SERGEF: variants seen among roughly 807,000 people sequenced by gnomAD.
SERGEF encodes secretion regulating guanine nucleotide exchange factor.
In SERGEF, 51 loss-of-function variants were observed where a neutral mutation model predicts 50.0. That is an observed-to-expected ratio of 1.02 (90% CI 0.81 to 1.29). The LOEUF (loss-of-function observed/expected upper bound fraction) is 1.29, where lower values mean the gene tolerates loss of function less well. SERGEF is among the 50% of genes most tolerant of loss of function. The pLI, the probability that SERGEF is intolerant of heterozygous loss-of-function variation, is 0.00. For synonymous variants in SERGEF, 205 were observed against 212.4 expected (o/e 0.97, Z 0.30); for missense variants, 521 against 557.0 (o/e 0.94, Z 0.65).
intron 10 of SERGEF, among the ~76,000 whole-genome samples, chr11:17,796,000 T>A (rs1053538089): frequency 6.6e-6 from 1 of 152,228 alleles, no homozygotes; most frequent in Non-Finnish European, 1.5e-5. Context: ...AACTTTTTTT[T>A]AACATAAAGT....
At chr11:17,799,373 T>C (rs1420989528) in intron 10 of SERGEF, among the ~76,000 whole-genome samples, 1 of 152,222 alleles carries the variant, frequency 6.6e-6, no homozygotes, top group Non-Finnish European at 1.5e-5. Context: ...TCCTATCTCT[T>C]ACCTGGCCTG....
chr11:17,998,491 A>C (rs1853890817), intron 5 of SERGEF, among the ~76,000 whole-genome samples: 2 of 95,442 alleles, frequency 2.1e-5, no homozygotes, highest in East Asian at 3.5e-4. Flanking sequence ...ATATATATGC[A>C]TGTGTGAGTG....
chr11:18,009,284 A>G (rs1374721495), intron 1 of SERGEF, among the ~76,000 whole-genome samples: 1 of 152,120 alleles, frequency 6.6e-6, no homozygotes, highest in African/African-American at 2.4e-5. Context: ...CATGATTTCG[A>G]TATGAGAAGA....
intron 2 of SERGEF, 59 bp from the exon 3 acceptor site, chr11:18,006,805 G>T: frequency 6.4e-7 from 1 of 1,560,512 alleles, no homozygotes; most frequent in South Asian, 1.2e-5. Context: ...ACTGCAAAAT[G>T]AACAAAAAGA....
At chr11:17,880,080 T>C (rs1851310102) in intron 9 of SERGEF, among the ~76,000 whole-genome samples, 1 of 152,230 alleles carries the variant, frequency 6.6e-6, no homozygotes, top group South Asian at 2.1e-4. Flanking sequence ...CAAGGCCTCC[T>C]AGGCTTTTTC....
intron 9 of SERGEF, among the ~76,000 whole-genome samples, chr11:17,903,840 T>A (rs1851791022): frequency 6.6e-6 from 1 of 152,196 alleles, no homozygotes; most frequent in South Asian, 2.1e-4. Context: ...GTCATTAATG[T>A]AGGGAAGAGG....
chr11:17,917,799 A>T (rs568643344), intron 9 of SERGEF, among the ~76,000 whole-genome samples: 2 of 152,326 alleles, frequency 1.3e-5, no homozygotes, highest in South Asian at 4.1e-4. Context: ...TCAGGTCCCA[A>T]CCCAGACTGA....
chr11:17,972,035 G>A (rs1406699314), intron 8 of SERGEF, among the ~76,000 whole-genome samples: 1 of 152,238 alleles, frequency 6.6e-6, no homozygotes, highest in Non-Finnish European at 1.5e-5. Flanking sequence ...AGAGCCTAAA[G>A]AGGTGACTGA....
intron 10 of SERGEF, among the ~76,000 whole-genome samples, chr11:17,791,097 C>T (rs993439360): frequency 3.9e-5 from 6 of 152,310 alleles, no homozygotes; most frequent in African/African-American, 1.4e-4. Flanking sequence ...TTTTGTTATA[C>T]ACATTTACTT....
At chr11:17,879,061 T>C (rs577533584) in intron 9 of SERGEF, among the ~76,000 whole-genome samples, 1 of 152,326 alleles carries the variant, frequency 6.6e-6, no homozygotes, top group Non-Finnish European at 1.5e-5. Flanking sequence ...CACCTCTGTA[T>C]TGCACAGATG....
chr11:17,801,126 C>T (rs532133743), intron 10 of SERGEF, among the ~76,000 whole-genome samples: 2 of 147,758 alleles, frequency 1.4e-5, no homozygotes, highest in East Asian at 4.0e-4. Context: ...ACCTGGGAGG[C>T]GGAGCTTGCA....
chr11:18,006,693 C>T lies in SERGEF; in HGVS notation c.250G>A (p.Gly84Ser), dbSNP rs1196914904. 1.2e-6 allele frequency: 2 copies of T among 1,614,062 alleles called. No individual in the cohort carries two copies. The highest frequency in any genetic ancestry group is 1.7e-5 in the Admixed American group (1 of 60,010). The change falls in exon 3 of 11, where the codon GGT becomes AGT. Residue 84 changes from glycine (G) to serine (S), a missense_variant. Transcript: ENST00000265965. Reference protein sequence around the residue: ...GLNKDGQLGLGHTEDIPYFTP... With the variant: ...GLNKDGQLGLSHTEDIPYFTP... ...AAATATGGGATATCCTCTGTGTGACCAAGCCCCAGTTGCCCATCTTTGTTC... is the reference window on the plus strand; with the variant it reads ...AAATATGGGATATCCTCTGTGTGACTAAGCCCCAGTTGCCCATCTTTGTTC...
chr11:17,846,466 C>T (rs769429580), intron 10 of SERGEF: 5 of 339,086 alleles, frequency 1.5e-5, no homozygotes, highest in African/African-American at 2.1e-5. Flanking sequence ...GGTCTGTGTC[C>T]TGGGTCTTTC....
intron 10 of SERGEF, among the ~76,000 whole-genome samples, chr11:17,814,508 T>C (rs1194613340): frequency 1.3e-5 from 2 of 152,142 alleles, no homozygotes; most frequent in Non-Finnish European, 2.9e-5. Flanking sequence ...GAGATGGAGG[T>C]AGAGGTAGAG....
At chr11:17,820,335 T>C (rs1376774929) in intron 10 of SERGEF, among the ~76,000 whole-genome samples, 1 of 151,828 alleles carries the variant, frequency 6.6e-6, no homozygotes, top group Non-Finnish European at 1.5e-5. Context: ...ACTAAGGTCA[T>C]ACTGCCTGGT....
At chr11:17,803,223 AG>A in intron 10 of SERGEF, among the ~76,000 whole-genome samples, 2 of 152,368 alleles carry the variant, frequency 1.3e-5, no homozygotes, top group East Asian at 3.9e-4. Context: ...TTATGGAGGA[AG>A]GGAGTTATCA....
intron 10 of SERGEF, among the ~76,000 whole-genome samples, chr11:17,823,367 A>G (rs1296446719): frequency 6.6e-6 from 1 of 152,144 alleles, no homozygotes; most frequent in African/African-American, 2.4e-5. Context: ...AGGTTTCTCC[A>G]CTGTAAGGCT....
At chr11:17,878,064 C>T in intron 10 of SERGEF, 144 bp downstream of exon 10, 2 of 637,930 alleles carry the variant, frequency 3.1e-6, no homozygotes, top group Non-Finnish European at 2.8e-6. Context: ...AACCCTTGGT[C>T]AACCAAAAAC....
intron 9 of SERGEF, among the ~76,000 whole-genome samples, chr11:17,904,491 G>A (rs1262919116): frequency 1.3e-5 from 2 of 152,196 alleles, no homozygotes; most frequent in Non-Finnish European, 2.9e-5. Context: ...GAAGAGAGGT[G>A]ACTCTTGATA....
Sources: gnomAD v4.1 joint callset for allele counts (sites outside exome capture counted in the v4.1 genomes callset) on GRCh38, gnomAD v4.1.1 for gene constraint, MANE v1.5 for transcripts, NCBI Gene and HGNC (gene_info 2026-07-23, HGNC 2026-07-21) for gene names.